Variants in HLA-DPA1 observed in about 807,000 individuals in gnomAD.
HLA-DPA1 encodes HLA class II histocompatibility antigen, DP alpha 1 chain.
Under a neutral mutation model 21.5 loss-of-function variants are expected in HLA-DPA1, and 20 were observed. That is an observed-to-expected ratio of 0.93 (90% CI 0.66 to 1.35). The LOEUF is 1.35. HLA-DPA1 is among the 40% of genes most tolerant of loss of function. The probability of loss-of-function intolerance (pLI) is 0.00; values close to 1 mark genes in which losing one functional copy is unlikely to be tolerated. For missense variants in HLA-DPA1, 279 were observed against 323.0 expected (o/e 0.86, Z 1.05); for synonymous variants, 123 against 129.6 (o/e 0.95, Z 0.35).
intron 1 of HLA-DPA1, chr6:33,079,594 G>A (rs1762728843): frequency 6.8e-6 from 3 of 440,388 alleles, no homozygotes; most frequent in South Asian, 3.5e-5. Context: ...TTCGTAGAAG[G>A]TCCAAGGGCC....
chr6:33,069,377 T>C (rs139998266), intron 3 of HLA-DPA1, 77 bp from the exon 3 acceptor site: 8 of 1,403,010 alleles, frequency 5.7e-6, no homozygotes, highest in Non-Finnish European at 7.8e-6. Flanking sequence ...GGGAGGGTGG[T>C]CCTCTACCTC....
chr6:33,064,969 A>ACT (rs2150353911), exon 6 of HLA-DPA1: 1 of 152,240 alleles, frequency 6.6e-6, no homozygotes, highest in African/African-American at 2.4e-5. Flanking sequence ...TTCACATGTG[A>ACT]CCTGGTCCTA....
intron 5 of HLA-DPA1, chr6:33,067,104 G>A (rs1367382937): frequency 6.6e-6 from 1 of 152,206 alleles, no homozygotes; most frequent in African/African-American, 2.4e-5. Context: ...ACATGTATAT[G>A]CAGTTCCATG....
intron 1 of HLA-DPA1, among the ~76,000 whole-genome samples, chr6:33,075,390 C>T (rs1379348822): frequency 1.3e-5 from 2 of 152,146 alleles, no homozygotes; most frequent in Non-Finnish European, 2.9e-5. Context: ...CTAGACTGAG[C>T]CCTCCTGACC....
At chr6:33,078,805 C>T (rs773271477) in intron 1 of HLA-DPA1, among the ~76,000 whole-genome samples, 1 of 152,030 alleles carries the variant, frequency 6.6e-6, no homozygotes, top group East Asian at 1.9e-4. Context: ...GAATGAAAAA[C>T]GTTCTCTTAC....
chr6:33,072,027 C>A lies in HLA-DPA1; in HGVS notation c.100+1444G>T, dbSNP rs9277342. Among the ~76,000 whole-genome samples the A allele has an allele frequency of 3.4e-3, 516 of 151,614 alleles. 3 individuals are homozygous for A. Among genetic ancestry groups the A allele is most frequent in the East Asian group, 0.026 (131 of 5,134 alleles). On this transcript the variant is annotated intron_variant, in intron 2 of 5. Coordinates refer to ENST00000419277, the Ensembl canonical transcript of HLA-DPA1. ...GAAGAGTGCCAAAAATCAGAATTGC[C>A]GAGATCTCAGGGTATAATGAGAGAA...
intron 1 of HLA-DPA1, chr6:33,079,645 CAACA>C: frequency 2.1e-6 from 1 of 470,958 alleles, no homozygotes; most frequent in South Asian, 1.6e-5. Context: ...GCAACAACAA[CAACA>C]AAAAAAACAT....
chr6:33,073,444 C>T (rs761221294), intron 2 of HLA-DPA1, 27 bp downstream of exon 1: 23 of 1,480,966 alleles, frequency 1.6e-5, no homozygotes, highest in Non-Finnish European at 1.9e-5. Flanking sequence ...CTCACCCCGA[C>T]GCTCCTGCGT....
chr6:33,078,184 A>T (rs937561829), intron 1 of HLA-DPA1, among the ~76,000 whole-genome samples: 3 of 152,100 alleles, frequency 2.0e-5, no homozygotes, highest in African/African-American at 7.2e-5. Context: ...AGTGAAAGGG[A>T]GGACGGGCAA....
chr6:33,073,599 A>G, exon 2 of HLA-DPA1: 1 of 1,534,438 alleles, frequency 6.5e-7, no homozygotes, highest in Non-Finnish European at 9.0e-7. Context: ...GATGACTGTG[A>G]GCACAGGAAC....
At chr6:33,074,541 A>G (rs924450627) in intron 1 of HLA-DPA1, among the ~76,000 whole-genome samples, 1 of 152,212 alleles carries the variant, frequency 6.6e-6, no homozygotes, top group African/African-American at 2.4e-5. Context: ...TGATACTCAT[A>G]GAGAAGGTCA....
chr6:33,066,029 C>T (rs1761939004), intron 5 of HLA-DPA1: 1 of 152,108 alleles, frequency 6.6e-6, no homozygotes. Flanking sequence ...AATTTTGCAC[C>T]TAAGCCAGGT....
chr6:33,073,557 T>C (rs774251090), exon 2 of HLA-DPA1: 1 of 1,612,244 alleles, frequency 6.2e-7, no homozygotes, highest in Non-Finnish European at 8.5e-7. Context: ...GAACATTCTG[T>C]CTTCAGGGCG....
chr6:33,073,728 G>A (rs758026811), intron 1 of HLA-DPA1, 79 bp from the exon 1 acceptor site: 1 of 600,560 alleles, frequency 1.7e-6, no homozygotes, highest in Non-Finnish European at 3.0e-6. Context: ...AGAAATCATA[G>A]AGCTGACATT....
chr6:33,080,720 C>G, upstream of HLA-DPA1: 1 of 1,613,500 alleles, frequency 6.2e-7, no homozygotes, highest in Non-Finnish European at 8.5e-7. This position sits in a 1 kb window ranked among gnomAD's most constrained non-coding sequence, Gnocchi z 4.3. Context: ...TTTAATGGGA[C>G]ACAGCGCTTC....
chr6:33,070,943 T>G lies in HLA-DPA1; in HGVS notation c.101-1057A>C, dbSNP rs142040069. 3.6e-3 allele frequency among the ~76,000 whole-genome samples: 543 copies of G among 152,334 alleles called. 3 individuals carry two copies. The highest frequency in any genetic ancestry group is 0.026 in the East Asian group (133 of 5,192). ...CTTAGTCTTTATTAGTTTGTAAGAA[T>G]TAGCAAAGATAAGAGGATAAAAGCA... is the stretch of plus-strand genomic sequence containing the variant. On this transcript the variant is annotated intron_variant, in intron 2 of 5. Transcript: ENST00000419277.
chr6:33,066,682 A>G (rs1413564803), intron 5 of HLA-DPA1: 1 of 152,234 alleles, frequency 6.6e-6, no homozygotes, highest in Non-Finnish European at 1.5e-5. Flanking sequence ...ACAAGGGACT[A>G]CTAGCAGGAC....
chr6:33,066,823 C>G (rs1351249359), intron 5 of HLA-DPA1: 1 of 152,118 alleles, frequency 6.6e-6, no homozygotes, highest in African/African-American at 2.4e-5. Flanking sequence ...ATTATAGCCC[C>G]AATTATTAGT....
intron 1 of HLA-DPA1, among the ~76,000 whole-genome samples, chr6:33,075,152 A>C (rs1008089689): frequency 1.3e-5 from 2 of 152,008 alleles, no homozygotes; most frequent in African/African-American, 4.8e-5. Context: ...ATTTTTTTTC[A>C]CTTTCTTCCT....
Sources: gnomAD v4.1 joint callset for allele counts (sites outside exome capture counted in the v4.1 genomes callset) on GRCh38, gnomAD v4.1.1 for gene constraint, Gnocchi (gnomAD v3.1) non-coding constraint, MANE v1.5 for transcripts, NCBI Gene and HGNC (gene_info 2026-07-23, HGNC 2026-07-21) for gene names.